FBXL7: variants seen among roughly 807,000 people sequenced by gnomAD.
FBXL7 encodes the protein F-box and leucine rich repeat protein 7.
FBXL7 carries 12 observed loss-of-function variants against 38.3 expected under a neutral mutation model. The observed-to-expected ratio is 0.31, with a 90% CI of 0.20 to 0.51. The LOEUF is 0.51. Ranked by LOEUF, FBXL7 falls within the 20% of genes least tolerant of loss-of-function variation. The probability of loss-of-function intolerance (pLI) is 0.98; values close to 1 mark genes in which losing one functional copy is unlikely to be tolerated. For synonymous variants in FBXL7, 297 were observed against 300.9 expected, an observed-to-expected ratio of 0.99 and a Z score of 0.13; for missense variants, 567 against 676.4, an observed-to-expected ratio of 0.84 and a Z score of 1.79.
intron 1 of FBXL7, among the ~76,000 whole-genome samples, chr5:15,519,552 A>G (rs1737042341): frequency 6.6e-6 from 1 of 152,154 alleles, no homozygotes; most frequent in Non-Finnish European, 1.5e-5. Context: ...GAGCAAAGTT[A>G]TGCTCTATTT....
intron 2 of FBXL7, among the ~76,000 whole-genome samples, chr5:15,926,298 T>TATATCCAATGTATATTGTATATA (rs1338615219): frequency 2.7e-5 from 4 of 149,004 alleles, no homozygotes; most frequent in Non-Finnish European, 4.4e-5. Flanking sequence ...TATGTATTAT[T>TATATCCAATGTATATTGTATATA]ATATCCAATG....
chr5:15,766,180 C>T lies in FBXL7; in HGVS notation c.127+150108C>T, dbSNP rs375907919. On this transcript the variant is annotated intron_variant, in intron 2 of 3. Coordinates refer to ENST00000504595, the MANE Select transcript of FBXL7 (RefSeq NM_012304.5). ...CCTTTACAGATAATCCTCCCATTCC[C>T]CAAATACGGAATGCCTTACATCGGC... 3.8e-4 allele frequency among the ~76,000 whole-genome samples: 58 copies of T among 152,306 alleles called. 1 individual carries two copies. The South Asian group carries it at 9.7e-3, about 26-fold the overall frequency.
intron 1 of FBXL7, among the ~76,000 whole-genome samples, chr5:15,544,641 G>A (rs773655070): frequency 1.1e-4 from 17 of 152,032 alleles, no homozygotes; most frequent in Non-Finnish European, 2.1e-4. Flanking sequence ...TTAAGTTTTG[G>A]GCCTAGGCTG....
intron 3 of FBXL7, among the ~76,000 whole-genome samples, chr5:15,933,720 G>T (rs1266388535): frequency 6.6e-6 from 1 of 152,180 alleles, no homozygotes; most frequent in Non-Finnish European, 1.5e-5. Flanking sequence ...TATTCCCAGG[G>T]CCTGAGTGTC....
intron 2 of FBXL7, among the ~76,000 whole-genome samples, chr5:15,890,978 C>G (rs890420451): frequency 6.6e-6 from 1 of 152,004 alleles, no homozygotes; most frequent in African/African-American, 2.4e-5. Flanking sequence ...ACTTGAAAAT[C>G]TATTATCTGT....
chr5:15,879,199 G>T (rs548256018), intron 2 of FBXL7, among the ~76,000 whole-genome samples: 1 of 152,256 alleles, frequency 6.6e-6, no homozygotes, highest in African/African-American at 2.4e-5. Flanking sequence ...TATGCTAGCC[G>T]ATTAAACTGG....
Position 15,936,326 on chromosome 5 carries a change from G to A in FBXL7, c.740-124G>A. On this transcript the variant is annotated intron_variant, in intron 3 of 3. Coordinates refer to ENST00000504595, the MANE Select transcript of FBXL7 (RefSeq NM_012304.5). This position sits in a 1 kb window ranked among gnomAD's most constrained non-coding sequence, Gnocchi z 6.0. ...TTTCCTCTCTATAGAGACCAAGACAGGAAAGGGTAACATCAGCCTCGGACC... is the reference window on the plus strand; with the variant it reads ...TTTCCTCTCTATAGAGACCAAGACAAGAAAGGGTAACATCAGCCTCGGACC... 1 of 1,171,916 alleles carries A rather than the reference G, an allele frequency of 8.5e-7. No homozygotes were observed. Among genetic ancestry groups the A allele is most frequent in the Non-Finnish European group, 1.2e-6 (1 of 851,624 alleles). 72.6% of individuals were successfully genotyped at this position (1,171,916 alleles called of 1,614,324 possible).
chr5:15,837,748 A>C (rs546053572), intron 2 of FBXL7, among the ~76,000 whole-genome samples: 1 of 152,170 alleles, frequency 6.6e-6, no homozygotes, highest in African/African-American at 2.4e-5. Context: ...GACCATGAAC[A>C]TAGTGCATTG....
At chr5:15,885,844 G>A (rs980793990) in intron 2 of FBXL7, among the ~76,000 whole-genome samples, 1 of 152,008 alleles carries the variant, frequency 6.6e-6, no homozygotes, top group African/African-American at 2.4e-5. Flanking sequence ...GAGTAGCTGG[G>A]AATACAGGTG....
At chr5:15,531,744 T>C (rs1737438184) in intron 1 of FBXL7, among the ~76,000 whole-genome samples, 1 of 152,238 alleles carries the variant, frequency 6.6e-6, no homozygotes, top group South Asian at 2.1e-4. Flanking sequence ...AGCTTAGTCA[T>C]AGTTTAATGA....
At chr5:15,756,178 CT>C (rs978732126) in intron 2 of FBXL7, among the ~76,000 whole-genome samples, 1 of 151,914 alleles carries the variant, frequency 6.6e-6, no homozygotes, top group Non-Finnish European at 1.5e-5. Flanking sequence ...CCTGCTCAGA[CT>C]TTTTTTTCAC....
At position 15,691,590 on chromosome 5, in the gene FBXL7, G is replaced by A. The variant is rs569624280; in HGVS notation, c.127+75518G>A. Among the ~76,000 whole-genome samples the A allele has an allele frequency of 1.3e-3, 201 of 152,258 alleles. 1 individual carries two copies. The highest frequency in any genetic ancestry group is 4.6e-3 in the African/African-American group (193 of 41,550). ...TGCTCAGTGTACTTCTGGGGCTGAC[G>A]TTTTCCTCTGATGCCTGTTACCTTT... On this transcript the variant is annotated intron_variant, in intron 2 of 3. Transcript: ENST00000504595.
rs1389270562 is a variant in FBXL7 at position 15,603,711 on chromosome 5, G to C, written c.38-12272G>C. ...TTTGGCGTAAAGAAAGTACCAGTTA[G>C]GACATTCAGTGTAAAGAAAGTACTC... is the stretch of plus-strand genomic sequence containing the variant. On this transcript the variant is annotated intron_variant, in intron 1 of 3. Coordinates refer to ENST00000504595, the MANE Select transcript of FBXL7 (RefSeq NM_012304.5). 3.3e-5 allele frequency among the ~76,000 whole-genome samples: 5 copies of C among 152,214 alleles called. No individual in the cohort carries two copies. The East Asian group carries it at 9.6e-4, about 29-fold the overall frequency.
intron 2 of FBXL7, among the ~76,000 whole-genome samples, chr5:15,876,108 T>C (rs1052330052): frequency 1.3e-5 from 2 of 152,316 alleles, no homozygotes; most frequent in South Asian, 2.1e-4. Context: ...TGCAGGGACA[T>C]GGATGAAGCT....
At chr5:15,518,489 G>A (rs1057109374) in intron 1 of FBXL7, among the ~76,000 whole-genome samples, 5 of 152,196 alleles carry the variant, frequency 3.3e-5, no homozygotes, top group African/African-American at 1.2e-4. Flanking sequence ...CTCATGGAGA[G>A]CAGGAGAACG....
chr5:15,708,680 T>G (rs1051735984), intron 2 of FBXL7, among the ~76,000 whole-genome samples: 7 of 152,208 alleles, frequency 4.6e-5, no homozygotes, highest in Non-Finnish European at 1.0e-4. Flanking sequence ...TTTTGATTTT[T>G]CATTTAAGGG....
At chr5:15,871,858 A>T (rs1739980288) in intron 2 of FBXL7, among the ~76,000 whole-genome samples, 3 of 152,214 alleles carry the variant, frequency 2.0e-5, no homozygotes. Context: ...GTTGGAAAAC[A>T]CACTTCAGGA....
rs76899868 is a variant in FBXL7 at position 15,549,426 on chromosome 5, A to G, written c.37+48713A>G. 1.6e-4 allele frequency among the ~76,000 whole-genome samples: 24 copies of G among 152,316 alleles called. No homozygotes were observed. The East Asian group carries it at 4.6e-3, about 29-fold the overall frequency. ...CTTGTGACTGAAACCACCTTGATTT[A>G]GTAAATTACATCACGTGGGCCAAAT... On this transcript the variant is annotated intron_variant, in intron 1 of 3. Transcript: ENST00000504595.
intron 2 of FBXL7, among the ~76,000 whole-genome samples, chr5:15,758,377 C>G (rs1736355704): frequency 6.6e-6 from 1 of 150,924 alleles, no homozygotes; most frequent in African/African-American, 2.4e-5. Flanking sequence ...GGTATATTGC[C>G]TGATGCTGAA....
Sources: allele counts gnomAD v4.1 joint callset (sites outside exome capture counted in the v4.1 genomes callset), GRCh38; gene constraint gnomAD v4.1.1; non-coding constraint Gnocchi (gnomAD v3.1); transcripts MANE v1.5; gene names NCBI Gene and HGNC (gene_info 2026-07-23, HGNC 2026-07-21).